The following PCDHA12 variants were observed in gnomAD, a reference collection of about 807,000 sequenced individuals.
PCDHA12 encodes the protein protocadherin alpha 12, also known as protocadherin alpha-12.
PCDHA12 carries 44 observed loss-of-function variants against 60.0 expected under a neutral mutation model. The ratio of observed to expected loss-of-function variants is 0.73; its 90% CI spans 0.58 to 0.94. PCDHA12 has a LOEUF of 0.94. PCDHA12 is among the 40% of genes least tolerant of loss of function. PCDHA12 has a pLI of 0.00. For synonymous variants in PCDHA12, 569 were observed against 553.0 expected (o/e 1.03, Z -0.40); for missense variants, 1,276 against 1,239.7 (o/e 1.03, Z -0.44).
rs151084513 is a variant in PCDHA12, at chr5:140,927,608, G to T, written c.2367+49769G>T. The T allele has an allele frequency of 1.2e-6, 2 of 1,614,168 alleles. No individual in the cohort carries two copies. The highest frequency in any genetic ancestry group is 3.3e-4 in the Middle Eastern group (2 of 6,062). Reference sequence around the variant, plus strand: ...CCTGTATTTGAGCGCTCCGTATACCGCACCAAGGTTCCAGAGACTGCACCC... The same window carrying T: ...CCTGTATTTGAGCGCTCCGTATACCTCACCAAGGTTCCAGAGACTGCACCC... On this transcript the variant is annotated intron_variant, in intron 1 of 3. Coordinates refer to ENST00000398631, the MANE Select transcript of PCDHA12 (RefSeq NM_018903.4).
intron 1 of PCDHA12, among the ~76,000 whole-genome samples, chr5:140,952,560 C>T (rs536018099): frequency 5.2e-4 from 79 of 152,304 alleles, no homozygotes; most frequent in Non-Finnish European, 1.0e-3. Context: ...TCACTATCAG[C>T]ACTTCGGTCC....
chr5:140,968,077 C>A lies in PCDHA12; in HGVS notation c.2368-10872C>A, dbSNP rs1274008262. 2.5e-6 allele frequency: 4 copies of A among 1,614,020 alleles called. No homozygotes were observed. In the African/African-American group the frequency reaches 4.0e-5, roughly 16 times the overall value. On this transcript the variant is annotated intron_variant, in intron 1 of 3. Coordinates refer to ENST00000398631, the MANE Select transcript of PCDHA12 (RefSeq NM_018903.4). ...GAGAGCGGGTGGCTGTCTACAACAT[C>A]ACGGTGACAGCCACAGATGGGGGAA...
chr5:140,956,562 T>C (rs1395246956), intron 1 of PCDHA12, among the ~76,000 whole-genome samples: 1 of 152,212 alleles, frequency 6.6e-6, no homozygotes, highest in Non-Finnish European at 1.5e-5. Flanking sequence ...CAGTATCTTA[T>C]TGAGGATTTT....
intron 1 of PCDHA12, among the ~76,000 whole-genome samples, chr5:140,958,134 T>C (rs1235856780): frequency 6.6e-6 from 1 of 152,150 alleles, no homozygotes; most frequent in African/African-American, 2.4e-5. Flanking sequence ...TGTATCAGTG[T>C]GTATATTTAT....
intron 3 of PCDHA12, among the ~76,000 whole-genome samples, chr5:140,988,231 A>G (rs2097289009): frequency 6.6e-6 from 1 of 152,150 alleles, no homozygotes. Context: ...TCAGGGATCT[A>G]TGTGAGTGGG....
chr5:140,899,268 C>T (rs2067238736), intron 1 of PCDHA12, among the ~76,000 whole-genome samples: 1 of 152,078 alleles, frequency 6.6e-6, no homozygotes, highest in Non-Finnish European at 1.5e-5. Context: ...TGTCTTGTGG[C>T]AGTTTTCAAA....
chr5:140,923,451 C>T (rs1256990906), intron 1 of PCDHA12, among the ~76,000 whole-genome samples: 2 of 151,914 alleles, frequency 1.3e-5, no homozygotes, highest in African/African-American at 4.8e-5. Context: ...TCACCTGAGC[C>T]CAGAGAGGTA....
At chr5:140,902,071 T>G (rs1288333473) in intron 1 of PCDHA12, among the ~76,000 whole-genome samples, 1 of 152,186 alleles carries the variant, frequency 6.6e-6, no homozygotes, top group African/African-American at 2.4e-5. Flanking sequence ...TTTACTGAAT[T>G]TATTGTTTTA....
intron 1 of PCDHA12, among the ~76,000 whole-genome samples, chr5:140,921,337 C>T (rs1339756681): frequency 6.6e-6 from 1 of 152,082 alleles, no homozygotes; most frequent in Non-Finnish European, 1.5e-5. Flanking sequence ...GGTCCAATCA[C>T]ATAATATATT....
At chr5:140,982,092 G>A (rs984553109) in intron 2 of PCDHA12, among the ~76,000 whole-genome samples, 1 of 152,218 alleles carries the variant, frequency 6.6e-6, no homozygotes, top group African/African-American at 2.4e-5. Context: ...CTAGGAACAA[G>A]AGAACCTGCA....
chr5:140,912,343 A>AT (rs35252606), intron 1 of PCDHA12, among the ~76,000 whole-genome samples: 1,442 of 143,856 alleles, frequency 0.01, 7 homozygotes, highest in South Asian at 0.021. Flanking sequence ...TACACTAAGT[A>AT]TTTTTTTTTT....
chr5:140,879,390 A>T (rs2057972127), intron 1 of PCDHA12, among the ~76,000 whole-genome samples: 1 of 152,202 alleles, frequency 6.6e-6, no homozygotes, highest in Admixed American at 6.5e-5. Context: ...TTGGAGAAAC[A>T]GTTTGTGTGT....
In PCDHA12 at chr5:140,927,058, C is replaced by G. The variant is rs376173105; in HGVS notation, c.2367+49219C>G. ...GGCCGCTATGTCCTCGCGGAACTTT[C>G]GCTTCCTTTCCAGCCACCGCGAGCT... On this transcript the variant is annotated intron_variant, in intron 1 of 3. Coordinates refer to ENST00000398631, the MANE Select transcript of PCDHA12 (RefSeq NM_018903.4). 17 of 1,611,136 alleles carry G rather than the reference C, an allele frequency of 1.1e-5. No homozygotes were observed. The South Asian group carries it at 1.2e-4, about 11-fold the overall frequency.
Position 140,876,945 on chromosome 5 carries a change from C to T in PCDHA12, c.1473C>T (p.Ser491=), listed in dbSNP as rs1405794987. 1.2e-6 allele frequency: 2 copies of T among 1,613,474 alleles called. No individual in the cohort carries two copies. The highest frequency in any genetic ancestry group is 2.2e-5 in the East Asian group (1 of 44,888). The change falls in exon 1 of 4, where the codon TCC becomes TCT. Residue 491 remains serine (S), a synonymous_variant. Transcript: ENST00000398631. ...DADAQKNALV[S]YSLVERRVGE... is the part of the protein sequence containing the mutation. Reference sequence around the variant, plus strand: ...ACGCGCAGAAGAACGCGCTGGTGTCCTACTCGCTGGTGGAGCGGCGGGTGG... The same window carrying T: ...ACGCGCAGAAGAACGCGCTGGTGTCTTACTCGCTGGTGGAGCGGCGGGTGG...
At chr5:140,882,675 G>C in intron 1 of PCDHA12, 1 of 1,614,218 alleles carries the variant, frequency 6.2e-7, no homozygotes, top group East Asian at 2.2e-5. Flanking sequence ...TTCCCTGAAA[G>C]CAAGAAACGA....
At chr5:140,985,532 G>T (rs1358120172) in intron 3 of PCDHA12, among the ~76,000 whole-genome samples, 1 of 152,072 alleles carries the variant, frequency 6.6e-6, no homozygotes, top group Non-Finnish European at 1.5e-5. Context: ...AAAGCTTCAC[G>T]GTGAAGATGC....
At chr5:140,942,361 G>A (rs1554214935) in intron 1 of PCDHA12, among the ~76,000 whole-genome samples, 1 of 151,920 alleles carries the variant, frequency 6.6e-6, no homozygotes, top group East Asian at 1.9e-4. Context: ...GCAGTTAACG[G>A]AGATTGCACC....
chr5:141,000,361 GTCTCTCTCTCTCTCTC>G (rs148596731), intron 3 of PCDHA12, among the ~76,000 whole-genome samples: 6 of 26,448 alleles, frequency 2.3e-4, no homozygotes, highest in African/African-American at 1.2e-3. Context: ...GTCTCTCTCT[GTCTCTCTCTCTCTCTC>G]TCTCTCTCTC....
intron 3 of PCDHA12, among the ~76,000 whole-genome samples, chr5:141,001,710 G>A (rs1422821009): frequency 6.6e-6 from 1 of 152,208 alleles, no homozygotes; most frequent in Non-Finnish European, 1.5e-5. Flanking sequence ...AGGGGGCGGG[G>A]AAGGAGCTTG....
Sources: gnomAD v4.1 joint callset for allele counts (sites outside exome capture counted in the v4.1 genomes callset) on GRCh38, gnomAD v4.1.1 for gene constraint, MANE v1.5 for transcripts, NCBI Gene and HGNC (gene_info 2026-07-23, HGNC 2026-07-21) for gene names.